CHL1: variants seen among roughly 807,000 people sequenced by gnomAD.
CHL1 encodes the protein neural cell adhesion molecule L1-like protein.
A neutral mutation model predicts 141.9 loss-of-function variants in CHL1; 96 were observed. The ratio of observed to expected loss-of-function variants is 0.68; its 90% confidence interval spans 0.57 to 0.80. CHL1 has a LOEUF of 0.80. CHL1 is among the 30% of genes least tolerant of loss of function. CHL1 has a pLI of 0.00. For synonymous variants in CHL1, 613 were observed against 502.2 expected, an observed-to-expected ratio of 1.22 and a Z score of -2.95; for missense variants, 1,820 against 1,457.2, an observed-to-expected ratio of 1.25 and a Z score of -4.05.
At chr3:328,468 G>A (rs1701181221) in intron 5 of CHL1, 114 bp downstream of exon 5, 1 of 816,260 alleles carries the variant, frequency 1.2e-6, no homozygotes, top group Non-Finnish European at 1.8e-6. Flanking sequence ...ACTTATATGT[G>A]TCTTGTATTT....
intron 2 of CHL1, among the ~76,000 whole-genome samples, chr3:295,312 T>C (rs555134299): frequency 7.9e-5 from 12 of 152,246 alleles, no homozygotes; most frequent in Admixed American, 2.0e-4. Context: ...GCACATAGTA[T>C]TTAATTAGGA....
chr3:358,330 T>C (rs1342110328), intron 11 of CHL1, among the ~76,000 whole-genome samples: 1 of 152,188 alleles, frequency 6.6e-6, no homozygotes, highest in Non-Finnish European at 1.5e-5. Flanking sequence ...CATTTCCCTC[T>C]GACCATAGCC....
At chr3:392,792 T>C (rs991891074) in intron 23 of CHL1, among the ~76,000 whole-genome samples, 11 of 152,210 alleles carry the variant, frequency 7.2e-5, no homozygotes, top group Non-Finnish European at 1.3e-4. Context: ...AGCACGTATG[T>C]TTAAATACAT....
chr3:373,901 C>T (rs1705971107), intron 15 of CHL1: 1 of 152,602 alleles, frequency 6.6e-6, no homozygotes, highest in African/African-American at 2.4e-5. Context: ...CTTCCCTCCT[C>T]TCCGCGGATC....
chr3:203,956 G>A (rs1225423020), intron 1 of CHL1, among the ~76,000 whole-genome samples: 1 of 152,214 alleles, frequency 6.6e-6, no homozygotes, highest in African/African-American at 2.4e-5. Flanking sequence ...GAAGGGGAAA[G>A]CTAGAATTGA....
chr3:198,820 A>T (rs895733664), intron 1 of CHL1, among the ~76,000 whole-genome samples: 2 of 152,202 alleles, frequency 1.3e-5, no homozygotes, highest in Non-Finnish European at 2.9e-5. Flanking sequence ...TTAAAATATG[A>T]ATATTTGTAC....
chr3:388,447 T>C (rs1707938832), intron 19 of CHL1, among the ~76,000 whole-genome samples: 1 of 150,778 alleles, frequency 6.6e-6, no homozygotes, highest in Non-Finnish European at 1.5e-5. Context: ...CTCAGGAGGC[T>C]GAGGAAAGAG....
chr3:308,313 G>A (rs764738412), intron 2 of CHL1, among the ~76,000 whole-genome samples: 4 of 152,128 alleles, frequency 2.6e-5, no homozygotes, highest in Non-Finnish European at 4.4e-5. Context: ...CAAAAATAAT[G>A]AATAGGATCT....
intron 2 of CHL1, among the ~76,000 whole-genome samples, chr3:289,030 A>T (rs886285729): frequency 2.0e-5 from 3 of 152,156 alleles, no homozygotes; most frequent in African/African-American, 7.2e-5. Context: ...AAACAGGTCA[A>T]ATGACAATGC....
chr3:337,977 G>A (rs1274400329), intron 5 of CHL1, among the ~76,000 whole-genome samples: 1 of 152,164 alleles, frequency 6.6e-6, no homozygotes, highest in Non-Finnish European at 1.5e-5. Context: ...CCAGTTTACA[G>A]TCCCACCAAC....
intron 1 of CHL1, among the ~76,000 whole-genome samples, chr3:243,030 TAGAC>T (rs1454269743): frequency 6.6e-6 from 1 of 152,134 alleles, no homozygotes; most frequent in Non-Finnish European, 1.5e-5. Context: ...AGAGATGTCT[TAGAC>T]AGATCTAATG....
chr3:209,146 A>C lies in CHL1; in HGVS notation c.-175+12083A>C, dbSNP rs935171364. 1.4e-4 allele frequency among the ~76,000 whole-genome samples: 22 copies of C among 152,364 alleles called. 1 individual carries two copies. The highest frequency in any genetic ancestry group is 5.0e-4 in the African/African-American group (21 of 41,598). The stretch of plus-strand genomic sequence containing the variant: ...AACCTAGATCTCTTTCTTGGCAAAA[A>C]TTCACTAAAATGTAAACACTTGATT... On this transcript the variant is annotated intron_variant, in intron 1 of 27. Transcript: ENST00000256509.
chr3:328,401 T>C (rs765499542), intron 5 of CHL1, 47 bp downstream of exon 5: 1 of 1,471,270 alleles, frequency 6.8e-7, no homozygotes, highest in Non-Finnish European at 9.3e-7. Flanking sequence ...TTTAGTGAAG[T>C]GTTAAATAGG....
chr3:353,234 T>A (rs1458491993), intron 10 of CHL1, among the ~76,000 whole-genome samples: 1 of 152,172 alleles, frequency 6.6e-6, no homozygotes, highest in African/African-American at 2.4e-5. Context: ...CTGCATACGT[T>A]GAAAGCAATA....
intron 2 of CHL1, among the ~76,000 whole-genome samples, chr3:271,898 A>ATCATGTATTTGTAACATTTCCATTTG (rs1695665149): frequency 1.3e-5 from 2 of 152,212 alleles, no homozygotes; most frequent in Non-Finnish European, 2.9e-5. Flanking sequence ...TTAAGTGGAG[A>ATCATGTATTTGTAACATTTCCATTTG]TCATGTATTT....
intron 27 of CHL1, 45 bp from the exon 28 acceptor site, chr3:405,444 GAATATT>G: frequency 8.3e-7 from 1 of 1,202,842 alleles, no homozygotes; most frequent in Non-Finnish European, 1.2e-6. Flanking sequence ...TGCTTTACAT[GAATATT>G]AATATTAGAT....
chr3:368,896 A>G (rs1295696529), intron 15 of CHL1, among the ~76,000 whole-genome samples: 1 of 152,146 alleles, frequency 6.6e-6, no homozygotes, highest in East Asian at 1.9e-4. Context: ...CAAAGATCAG[A>G]TGATTATAGA....
At chr3:209,311 T>C (rs1174060152) in intron 1 of CHL1, among the ~76,000 whole-genome samples, 2 of 152,202 alleles carry the variant, frequency 1.3e-5, no homozygotes, top group Non-Finnish European at 2.9e-5. Flanking sequence ...AAATTCATTC[T>C]AAGACAAAAT....
intron 3 of CHL1, among the ~76,000 whole-genome samples, chr3:321,021 G>T (rs1700521114): frequency 6.6e-6 from 1 of 152,064 alleles, no homozygotes; most frequent in Non-Finnish European, 1.5e-5. Context: ...TTAGAAAAGT[G>T]TTGGGACTTA....
Sources: allele counts gnomAD v4.1 joint callset (sites outside exome capture counted in the v4.1 genomes callset), GRCh38; gene constraint gnomAD v4.1.1; transcripts MANE v1.5; gene names NCBI Gene and HGNC (gene_info 2026-07-23, HGNC 2026-07-21).